The following TTLL11 variants were observed in gnomAD, a reference collection of about 807,000 sequenced individuals.
TTLL11 encodes tubulin polyglutamylase TTLL11.
In TTLL11, 42 loss-of-function variants were observed where a neutral mutation model predicts 51.7. The observed-to-expected ratio is 0.81, with a 90% confidence interval of 0.64 to 1.05. The LOEUF is 1.05. Ranked by LOEUF, TTLL11 falls within the 50% of genes least tolerant of loss-of-function variation. The probability of loss-of-function intolerance (pLI) is 0.00; values close to 1 mark genes in which losing one functional copy is unlikely to be tolerated. For synonymous variants in TTLL11, 381 were observed against 383.5 expected (o/e 0.99, Z 0.08); for missense variants, 799 against 940.4 (o/e 0.85, Z 1.97).
At chr9:121,892,624 A>C (rs907106320) in intron 6 of TTLL11, among the ~76,000 whole-genome samples, 2 of 152,158 alleles carry the variant, frequency 1.3e-5, no homozygotes, top group African/African-American at 4.8e-5. Context: ...ACAGAGCCAA[A>C]CCATATCAAG....
intron 5 of TTLL11, among the ~76,000 whole-genome samples, chr9:121,974,480 T>G (rs532753006): frequency 1.3e-5 from 2 of 151,884 alleles, no homozygotes; most frequent in Non-Finnish European, 2.9e-5. Flanking sequence ...TTAAATGCAT[T>G]TTTTGGGGGA....
At chr9:121,887,742 A>T (rs1236412936) in intron 6 of TTLL11, among the ~76,000 whole-genome samples, 1 of 152,184 alleles carries the variant, frequency 6.6e-6, no homozygotes, top group Non-Finnish European at 1.5e-5. Context: ...ATGCTTCAAG[A>T]TCCCCCATGA....
chr9:121,863,840 G>A (rs890050866), intron 7 of TTLL11, among the ~76,000 whole-genome samples: 2 of 152,322 alleles, frequency 1.3e-5, no homozygotes, highest in Non-Finnish European at 1.5e-5. Context: ...CTTGCCCAAC[G>A]TCACACAGCC....
intron 8 of TTLL11, among the ~76,000 whole-genome samples, chr9:121,855,987 A>G (rs984016349): frequency 1.3e-4 from 20 of 152,270 alleles, no homozygotes; most frequent in Admixed American, 4.6e-4. Context: ...TGTCATATTC[A>G]TTTGTGACTG....
chr9:121,920,204 A>C (rs947232658), intron 6 of TTLL11, among the ~76,000 whole-genome samples: 1 of 152,164 alleles, frequency 6.6e-6, no homozygotes, highest in Admixed American at 6.5e-5. Flanking sequence ...TCAGGAGGCT[A>C]AGGTGGGAGA....
At chr9:122,065,017 C>A (rs193301554) in intron 1 of TTLL11, among the ~76,000 whole-genome samples, 2 of 152,090 alleles carry the variant, frequency 1.3e-5, no homozygotes, top group Non-Finnish European at 2.9e-5. Flanking sequence ...CAAAGGGGAC[C>A]AAATTCCCAG....
intron 1 of TTLL11, among the ~76,000 whole-genome samples, chr9:122,068,567 C>A (rs1845651912): frequency 6.6e-6 from 1 of 151,964 alleles, no homozygotes; most frequent in Admixed American, 6.6e-5. Context: ...GTTATTATAC[C>A]CCATCATTCA....
At chr9:122,028,009 T>C (rs1844402067) in intron 3 of TTLL11, among the ~76,000 whole-genome samples, 1 of 152,216 alleles carries the variant, frequency 6.6e-6, no homozygotes, top group Admixed American at 6.5e-5. Context: ...AATGGAACTA[T>C]ACTGCTGTAA....
rs528369031 is a variant in TTLL11, at chr9:122,072,889, C to A, written c.462+19798G>T. On this transcript the variant is annotated intron_variant, in intron 1 of 8. Coordinates refer to ENST00000321582, the MANE Select transcript of TTLL11 (RefSeq NM_001139442.2). ...AGTAATAAGCAGAGAGGGAGCTCTCCGGGGAAGGGACACACAGGGTGTCAT... is the reference window on the plus strand; with the variant it reads ...AGTAATAAGCAGAGAGGGAGCTCTCAGGGGAAGGGACACACAGGGTGTCAT... Among the ~76,000 whole-genome samples, 5 of 152,092 alleles carry A rather than the reference C, an allele frequency of 3.3e-5. No homozygotes were observed. In the South Asian group the frequency reaches 8.3e-4, roughly 25 times the overall value.
chr9:121,897,755 C>A (rs1839595355), intron 6 of TTLL11, among the ~76,000 whole-genome samples: 2 of 152,058 alleles, frequency 1.3e-5, no homozygotes, highest in Non-Finnish European at 2.9e-5. Flanking sequence ...CTGATGCATC[C>A]CTGGGTACTC....
At chr9:121,862,022 A>G (rs1313508380) in intron 7 of TTLL11, among the ~76,000 whole-genome samples, 1 of 151,970 alleles carries the variant, frequency 6.6e-6, no homozygotes, top group Non-Finnish European at 1.5e-5. Flanking sequence ...AATTGACAGG[A>G]GGATTGTGGG....
chr9:121,913,868 T>C (rs144288575), intron 6 of TTLL11, among the ~76,000 whole-genome samples: 8 of 152,178 alleles, frequency 5.3e-5, no homozygotes, highest in Non-Finnish European at 1.2e-4. Context: ...AGGTGGGTTG[T>C]GAGGTGGGAT....
chr9:121,921,157 T>A (rs1436799616), intron 6 of TTLL11, among the ~76,000 whole-genome samples: 2 of 152,176 alleles, frequency 1.3e-5, no homozygotes, highest in Admixed American at 6.5e-5. Flanking sequence ...CCCTCACTGG[T>A]GGTATGCAAA....
intron 4 of TTLL11, among the ~76,000 whole-genome samples, chr9:121,980,397 C>G (rs1361536688): frequency 1.3e-5 from 2 of 152,080 alleles, no homozygotes; most frequent in African/African-American, 4.8e-5. Flanking sequence ...ACAAGTAAAC[C>G]AAGGGAAAGC....
intron 1 of TTLL11, among the ~76,000 whole-genome samples, chr9:122,045,867 A>G (rs770097148): frequency 6.6e-6 from 1 of 152,204 alleles, no homozygotes; most frequent in Non-Finnish European, 1.5e-5. Flanking sequence ...GGCAGAAAGT[A>G]GGATGGTGGT....
intron 3 of TTLL11, among the ~76,000 whole-genome samples, chr9:121,997,910 G>C (rs989534583): frequency 2.0e-5 from 3 of 151,958 alleles, no homozygotes; most frequent in African/African-American, 7.3e-5. Context: ...CCCAACTCCT[G>C]GGGGCCACCC....
intron 1 of TTLL11, among the ~76,000 whole-genome samples, chr9:122,053,677 AT>A (rs1232517919): frequency 6.6e-6 from 1 of 152,178 alleles, no homozygotes; most frequent in East Asian, 1.9e-4. Context: ...AGAAAAAAGT[AT>A]GCGCAGGGAG....
chr9:121,910,400 G>A (rs1026468592), intron 6 of TTLL11, among the ~76,000 whole-genome samples: 16 of 152,162 alleles, frequency 1.1e-4, no homozygotes, highest in African/African-American at 3.6e-4. Flanking sequence ...ACTGTTCTTC[G>A]TAACAGCTCT....
chr9:121,979,076 A>T (rs1842775801), intron 4 of TTLL11, among the ~76,000 whole-genome samples: 1 of 151,990 alleles, frequency 6.6e-6, no homozygotes. Context: ...TTATAAAAAG[A>T]CCGTGGCTTC....
Sources: allele counts gnomAD v4.1 joint callset (sites outside exome capture counted in the v4.1 genomes callset), GRCh38; gene constraint gnomAD v4.1.1; transcripts MANE v1.5; gene names NCBI Gene and HGNC (gene_info 2026-07-23, HGNC 2026-07-21).